The following NSUN7 variants were observed in gnomAD, a reference collection of about 807,000 sequenced individuals.
NSUN7 encodes protein NSUN7.
Under a neutral mutation model 58.5 loss-of-function variants are expected in NSUN7, and 39 were observed. The ratio of observed to expected loss-of-function variants is 0.67; its 90% CI spans 0.52 to 0.87. The LOEUF (loss-of-function observed/expected upper bound fraction) is 0.87. Ranked by LOEUF, NSUN7 falls within the 40% of genes least tolerant of loss-of-function variation. The pLI, the probability that NSUN7 is intolerant of heterozygous loss-of-function variation, is 0.00. For missense variants in NSUN7, 765 were observed against 844.1 expected, an observed-to-expected ratio of 0.91 and a Z score of 1.16; for synonymous variants, 278 against 303.7, an observed-to-expected ratio of 0.92 and a Z score of 0.88.
At chr4:40,781,256 G>T (rs1742552578) in intron 7 of NSUN7, among the ~76,000 whole-genome samples, 1 of 152,010 alleles carries the variant, frequency 6.6e-6, no homozygotes, top group East Asian at 1.9e-4. Flanking sequence ...TGCTATGTTG[G>T]CCAGACTGGT....
intron 8 of NSUN7, among the ~76,000 whole-genome samples, chr4:40,793,627 A>G (rs1334055961): frequency 1.3e-5 from 2 of 152,230 alleles, no homozygotes; most frequent in Non-Finnish European, 2.9e-5. Flanking sequence ...GAGGCAGTAT[A>G]ATACAGAGTT....
At chr4:40,757,536 T>G (rs1560544809) in intron 2 of NSUN7, among the ~76,000 whole-genome samples, 2 of 143,994 alleles carry the variant, frequency 1.4e-5, no homozygotes, top group East Asian at 4.0e-4. Flanking sequence ...AAGGTAAAAT[T>G]ATATATATAT....
chr4:40,750,924 C>G lies in NSUN7; in HGVS notation c.231C>G (p.Ser77=), dbSNP rs116454763. The G allele has an allele frequency of 4.3e-3, 6,950 of 1,614,192 alleles. 29 individuals carry two copies. The highest frequency in any genetic ancestry group is 5.8e-3 in the South Asian group (531 of 91,084). ...AGTATGGGAATGAACCCCTGCGGTC[C>G]TTGTCCGAGTCTGAGGATCAGTCCT... ...LIKYGNEPLR[S]LSESEDQSFQ... is the part of the protein sequence containing the mutation. Residue 77 remains serine, a synonymous_variant, in exon 2 of 12, where the codon TCC becomes TCG. Transcript: ENST00000381782.
At chr4:40,778,159 G>GA (rs142734999) in intron 7 of NSUN7, among the ~76,000 whole-genome samples, 1,895 of 152,304 alleles carry the variant, frequency 0.012, 29 homozygotes, top group African/African-American at 0.042. Flanking sequence ...CAAAGGATAT[G>GA]AAAGAGGTCA....
Position 40,763,336 on chromosome 4 carries a change from G to A in NSUN7, c.488+2035G>A, listed in dbSNP as rs1384087157. Among the ~76,000 whole-genome samples, 7 of 152,236 alleles carry A rather than the reference G, an allele frequency of 4.6e-5. No homozygotes were observed. In the Middle Eastern group the frequency reaches 0.014, roughly 296 times the overall value. On this transcript the variant is annotated intron_variant, in intron 4 of 11. Transcript: ENST00000381782. ...GCGCCTGTTTACTTTGTGTCTGGGG[G>A]AAACCACCTTATTGCTAGTACCAGT...
chr4:40,791,772 T>G lies in NSUN7; in HGVS notation c.1180+1027T>G, dbSNP rs978398132. Among the ~76,000 whole-genome samples, 7 of 152,344 alleles carry G rather than the reference T, an allele frequency of 4.6e-5. No homozygotes were observed. In the East Asian group the frequency reaches 1.2e-3, roughly 25 times the overall value. Reference sequence around the variant, plus strand: ...AGAAATGGAGGGAAAAGAGCTAATATTTATTAAACACAATAATGTCCCAGG... The same window carrying G: ...AGAAATGGAGGGAAAAGAGCTAATAGTTATTAAACACAATAATGTCCCAGG... On this transcript the variant is annotated intron_variant, in intron 8 of 11. Coordinates refer to ENST00000381782, the MANE Select transcript of NSUN7 (RefSeq NM_024677.6).
rs1285536747 is a variant in NSUN7 at position 40,809,987 on chromosome 4, T to C, written c.*1048T>C. The C allele has an allele frequency of 6.6e-6, 1 of 152,246 alleles. No homozygotes were observed. The highest frequency in any genetic ancestry group is 2.4e-5 in the African/African-American group (1 of 41,470). 9.4% of individuals were successfully genotyped at this position (152,246 alleles called of 1,614,324 possible). A position where few individuals can be genotyped will look rare whatever the true frequency, so the allele number is the denominator to read the frequency against. The stretch of plus-strand genomic sequence containing the variant: ...TCATTAAATAGAATTAAGATACAAC[T>C]ATATATCTTATTATTTAAAAACATT... On this transcript the variant is annotated 3_prime_UTR_variant, in exon 12 of 12. Coordinates refer to ENST00000381782, the MANE Select transcript of NSUN7 (RefSeq NM_024677.6).
At chr4:40,780,334 G>A (rs1742469641) in intron 7 of NSUN7, among the ~76,000 whole-genome samples, 1 of 152,132 alleles carries the variant, frequency 6.6e-6, no homozygotes, top group Non-Finnish European at 1.5e-5. Context: ...CAGGCACAAT[G>A]GCTCATTCCT....
At chr4:40,780,237 G>A (rs906212769) in intron 7 of NSUN7, among the ~76,000 whole-genome samples, 5 of 152,216 alleles carry the variant, frequency 3.3e-5, no homozygotes, top group South Asian at 4.1e-4. Flanking sequence ...CTGAGATCGC[G>A]CCACTGCCCT....
chr4:40,783,614 G>A lies in NSUN7; in HGVS notation c.1037-6988G>A, dbSNP rs573331921. On this transcript the variant is annotated intron_variant, in intron 7 of 11. Transcript: ENST00000381782. ...TGTAATCTCAGCACTTTGGGAGGCC[G>A]AGGTGAGTGGATCACCTGAGGTCAG... Among the ~76,000 whole-genome samples the A allele has an allele frequency of 1.4e-4, 21 of 152,218 alleles. No homozygotes were observed. In the East Asian group the frequency reaches 2.7e-3, roughly 20 times the overall value.
At position 40,776,123 on chromosome 4, in the gene NSUN7, T is replaced by C; in HGVS notation, c.900T>C (p.Asn300=). 6.2e-7 allele frequency: 1 copy of C among 1,608,956 alleles called. No homozygotes were observed. Among genetic ancestry groups the C allele is most frequent in the Non-Finnish European group, 8.5e-7 (1 of 1,175,954 alleles). The stretch of plus-strand genomic sequence containing the variant: ...TGGATGATGATGTCTTAATGGTCAA[T>C]ACAGGCTCATGGTACACAGTTTCCC... The part of the protein sequence containing the change: ...LNMDDDVLMV[N]TGSWYTVSHM... The change falls in exon 7 of 12, where the codon AAT becomes AAC. Residue 300 remains asparagine, a synonymous_variant. Coordinates refer to ENST00000381782, the MANE Select transcript of NSUN7 (RefSeq NM_024677.6).
Position 40,775,332 on chromosome 4 carries a change from A to C in NSUN7, c.825+382A>C, listed in dbSNP as rs74505440. The C allele has an allele frequency of 0.012, 1,901 of 154,358 alleles. 18 individuals are homozygous for C. The highest frequency in any genetic ancestry group is 0.021 in the Non-Finnish European group (1,490 of 69,646). The allele number at this position is 154,358 out of a possible 1,614,324, so 9.6% of individuals were successfully genotyped here. ...TTGCATATGAAAAAACAATTGTAAT[A>C]GTTTTTCATAATTTCTTTAATATAG... is the stretch of plus-strand genomic sequence containing the variant. On this transcript the variant is annotated intron_variant, in intron 6 of 11. Transcript: ENST00000381782. This position sits in a 1 kb window ranked among gnomAD's most constrained non-coding sequence, Gnocchi z 4.3.
At chr4:40,807,539 G>A (rs1237408729) in intron 11 of NSUN7, among the ~76,000 whole-genome samples, 1 of 151,916 alleles carries the variant, frequency 6.6e-6, no homozygotes, top group Admixed American at 6.6e-5. Flanking sequence ...TAGTAGAGAC[G>A]GGGTTTCACC....
intron 7 of NSUN7, among the ~76,000 whole-genome samples, chr4:40,789,749 A>G (rs886994533): frequency 6.6e-6 from 1 of 152,190 alleles, no homozygotes; most frequent in Non-Finnish European, 1.5e-5. Flanking sequence ...GAAAAGGACC[A>G]CTCAATTTAA....
intron 4 of NSUN7, among the ~76,000 whole-genome samples, chr4:40,768,872 T>C (rs1189581668): frequency 6.6e-6 from 1 of 152,184 alleles, no homozygotes; most frequent in Non-Finnish European, 1.5e-5. Context: ...ATTAAATTAT[T>C]TGTTGGACTG....
chr4:40,798,052 A>G (rs902450514), intron 9 of NSUN7, among the ~76,000 whole-genome samples: 2 of 152,126 alleles, frequency 1.3e-5, no homozygotes, highest in South Asian at 2.1e-4. Context: ...CATCTCAACA[A>G]TGCTTTCTCT....
At chr4:40,791,535 C>T (rs1743072429) in intron 8 of NSUN7, among the ~76,000 whole-genome samples, 1 of 152,188 alleles carries the variant, frequency 6.6e-6, no homozygotes, top group Non-Finnish European at 1.5e-5. Flanking sequence ...GATTCAAATA[C>T]AACCAGTCTG....
intron 10 of NSUN7, among the ~76,000 whole-genome samples, chr4:40,799,681 A>G (rs897686607): frequency 3.9e-5 from 6 of 152,196 alleles, no homozygotes; most frequent in African/African-American, 1.4e-4. Context: ...GAAGATGTTT[A>G]TAACTACTTG....
chr4:40,768,947 A>G (rs1741866706), intron 4 of NSUN7, among the ~76,000 whole-genome samples: 1 of 152,212 alleles, frequency 6.6e-6, no homozygotes, highest in African/African-American at 2.4e-5. Flanking sequence ...AGACTTAGTC[A>G]GTTCTTCTTC....
Sources: allele counts gnomAD v4.1 joint callset (sites outside exome capture counted in the v4.1 genomes callset), GRCh38; gene constraint gnomAD v4.1.1; non-coding constraint Gnocchi (gnomAD v3.1); transcripts MANE v1.5; gene names NCBI Gene and HGNC (gene_info 2026-07-23, HGNC 2026-07-21).